ARHGEF9: variants seen among roughly 807,000 people sequenced by gnomAD.
The protein encoded by ARHGEF9 is Cdc42 guanine nucleotide exchange factor 9.
ARHGEF9 carries 2 observed loss-of-function variants against 41.3 expected under a neutral mutation model. The observed-to-expected ratio is 0.05, with a 90% confidence interval of 0.02 to 0.15. The LOEUF (loss-of-function observed/expected upper bound fraction) is 0.15. Among genes scored for constraint, ARHGEF9 ranks in the 10% least tolerant of loss-of-function variants. ARHGEF9 has a pLI of 1.00. For missense variants in ARHGEF9, 225 were observed against 424.7 expected, an observed-to-expected ratio of 0.53 and a Z score of 4.13; for synonymous variants, 160 against 154.4, an observed-to-expected ratio of 1.04 and a Z score of -0.27.
chrX:63,773,240 T>C (rs1380991378), intron 1 of ARHGEF9, among the ~76,000 whole-genome samples: 1 of 112,277 alleles, frequency 8.9e-6, no homozygotes. Flanking sequence ...CCTCACATTA[T>C]ATCATAGGAC....
intron 1 of ARHGEF9, among the ~76,000 whole-genome samples, chrX:63,774,844 G>A (rs2056265177): frequency 8.9e-6 from 1 of 112,013 alleles, no homozygotes; most frequent in African/African-American, 3.2e-5. Flanking sequence ...AAACTAAAGA[G>A]CTTCTGCACA....
In ARHGEF9 at chrX:63,734,407, C is replaced by T. The variant is rs138223615; in HGVS notation, c.31-9696G>A. Among the ~76,000 whole-genome samples the T allele has an allele frequency of 4.7e-3, 530 of 112,110 alleles. 3 individuals carry two copies. Among genetic ancestry groups the T allele is most frequent in the Non-Finnish European group, 8.8e-3 (467 of 53,254 alleles). ...TTCTGGGATATTTTGGCACTTCTGA[C>T]GCATTACAACACTGTTTCTTAATGT... On this transcript the variant is annotated intron_variant, in intron 1 of 9. Coordinates refer to ENST00000671741, the MANE Select transcript of ARHGEF9 (RefSeq NM_001353921.2).
At chrX:63,697,066 C>T in intron 4 of ARHGEF9, 59 bp downstream of exon 4, 2 of 1,150,742 alleles carry the variant, frequency 1.7e-6, no homozygotes, top group Non-Finnish European at 2.3e-6. Flanking sequence ...AGCTCAAACG[C>T]TCCTTCCATT....
At chrX:63,678,276 C>T in intron 5 of ARHGEF9, 64 bp downstream of exon 5, 2 of 963,974 alleles carry the variant, frequency 2.1e-6, no homozygotes, top group South Asian at 2.1e-5. Context: ...GACATGTATT[C>T]TCAATGAGAA....
chrX:63,667,055 T>C (rs781793745), intron 6 of ARHGEF9, among the ~76,000 whole-genome samples: 9 of 111,695 alleles, frequency 8.1e-5, no homozygotes, highest in Non-Finnish European at 1.5e-4. Flanking sequence ...ACCGAAGTTG[T>C]GGGCACAGGG....
At chrX:63,743,303 A>G (rs1467973991) in intron 1 of ARHGEF9, 1 of 112,757 alleles carries the variant, frequency 8.9e-6, no homozygotes, top group Non-Finnish European at 1.9e-5. Flanking sequence ...TGGTGAGTTG[A>G]TAATACCTAA....
intron 4 of ARHGEF9, among the ~76,000 whole-genome samples, chrX:63,685,208 A>G (rs1196338695): frequency 2.7e-5 from 3 of 111,969 alleles, no homozygotes; most frequent in Non-Finnish European, 5.7e-5. Flanking sequence ...ATATCAAAAC[A>G]TCACATTGTA....
At chrX:63,652,641 G>T (rs1432943876) in intron 8 of ARHGEF9, among the ~76,000 whole-genome samples, 2 of 111,234 alleles carry the variant, frequency 1.8e-5, no homozygotes, top group African/African-American at 6.5e-5. Flanking sequence ...AAAGTGTGAT[G>T]AATTTATTGA....
At chrX:63,758,818 AT>A (rs1463103134) in intron 1 of ARHGEF9, among the ~76,000 whole-genome samples, 1 of 111,945 alleles carries the variant, frequency 8.9e-6, no homozygotes, top group Non-Finnish European at 1.9e-5. Flanking sequence ...ACTGTATTGT[AT>A]TTTTTTCTTG....
At chrX:63,698,141 CATAT>C (rs781891388) in intron 3 of ARHGEF9, among the ~76,000 whole-genome samples, 30 of 103,913 alleles carry the variant, frequency 2.9e-4, no homozygotes, top group Non-Finnish European at 4.7e-4. Flanking sequence ...ATAAATATAT[CATAT>C]ATATATATAT....
intron 5 of ARHGEF9, among the ~76,000 whole-genome samples, chrX:63,676,787 T>C (rs1411524328): frequency 2.7e-5 from 3 of 112,666 alleles, no homozygotes; most frequent in African/African-American, 9.7e-5. Context: ...ATGGTAGCTA[T>C]TAGCCATATT....
intron 1 of ARHGEF9, chrX:63,755,106 C>T (rs1214736499): frequency 1.1e-6 from 1 of 938,957 alleles, no homozygotes; most frequent in South Asian, 5.9e-5. Context: ...CTGGCCCTAT[C>T]CCTCTTCTCT....
intron 1 of ARHGEF9, among the ~76,000 whole-genome samples, chrX:63,773,900 A>G (rs1312052047): frequency 9.0e-6 from 1 of 110,557 alleles, no homozygotes; most frequent in Non-Finnish European, 1.9e-5. Flanking sequence ...TGGCTTTCAG[A>G]CTGGCATTCA....
intron 1 of ARHGEF9, among the ~76,000 whole-genome samples, chrX:63,783,176 C>G (rs2056408501): frequency 9.0e-6 from 1 of 111,726 alleles, no homozygotes; most frequent in African/African-American, 3.3e-5. Flanking sequence ...CTCTGGGCCC[C>G]TATACTTCAA....
intron 1 of ARHGEF9, among the ~76,000 whole-genome samples, chrX:63,745,844 A>G (rs1457915293): frequency 9.0e-6 from 1 of 111,599 alleles, no homozygotes; most frequent in Non-Finnish European, 1.9e-5. Context: ...TTCTAATTCC[A>G]GTTCCCCTAA....
chrX:63,695,881 G>A (rs1160917179), intron 4 of ARHGEF9, among the ~76,000 whole-genome samples: 2 of 111,529 alleles, frequency 1.8e-5, no homozygotes, highest in African/African-American at 3.3e-5. Flanking sequence ...AGTCTCTAAT[G>A]AGTTTTCTTG....
At chrX:63,676,076 C>A (rs1290446913) in intron 5 of ARHGEF9, among the ~76,000 whole-genome samples, 2 of 111,852 alleles carry the variant, frequency 1.8e-5, no homozygotes, top group African/African-American at 6.5e-5. Context: ...GGTTGATGGA[C>A]CAAAGAAAGG....
intron 2 of ARHGEF9, among the ~76,000 whole-genome samples, chrX:63,720,746 A>G (rs1240371396): frequency 8.9e-6 from 1 of 112,285 alleles, no homozygotes; most frequent in Non-Finnish European, 1.9e-5. Context: ...CAATGGCAAC[A>G]AGCTGGGTCC....
At chrX:63,647,556 C>A (rs1225627815) in intron 8 of ARHGEF9, among the ~76,000 whole-genome samples, 3 of 111,468 alleles carry the variant, frequency 2.7e-5, no homozygotes, top group Non-Finnish European at 5.7e-5. Context: ...TATGTTGAAC[C>A]AGCCTTGCAA....
Sources: allele counts gnomAD v4.1 joint callset (sites outside exome capture counted in the v4.1 genomes callset), GRCh38; gene constraint gnomAD v4.1.1; transcripts MANE v1.5; gene names NCBI Gene and HGNC (gene_info 2026-07-23, HGNC 2026-07-21).